ITPKC: variants seen among roughly 807,000 people sequenced by gnomAD.
The protein encoded by ITPKC is inositol-trisphosphate 3-kinase C.
A neutral mutation model predicts 67.1 loss-of-function variants in ITPKC; 33 were observed. The observed-to-expected ratio is 0.49, with a 90% CI of 0.37 to 0.66. The LOEUF (loss-of-function observed/expected upper bound fraction) is 0.66, where lower values mean the gene tolerates loss of function less well. Ranked by LOEUF, ITPKC falls within the 30% of genes least tolerant of loss-of-function variation. ITPKC has a pLI of 0.00. For missense variants in ITPKC, 820 were observed against 892.1 expected (o/e 0.92, Z 1.03); for synonymous variants, 341 against 359.8 (o/e 0.95, Z 0.59).
At position 40,739,402 on chromosome 19, in the gene ITPKC, G is replaced by A; in HGVS notation, c.1894G>A (p.Ala632Thr). Residue 632 changes from alanine (A) to threonine (T), a missense_variant, in exon 7 of 7, where the codon GCC becomes ACC. Transcript: ENST00000263370. ...LLFVHDHTGLAKVWMIDFGKT... is the reference protein window; with the variant it reads ...LLFVHDHTGLTKVWMIDFGKT... Reference sequence around the variant, plus strand: ...CTTCGTGCACGACCACACCGGCCTGGCCAAGGTCTGGATGATAGACTTCGG... The same window carrying A: ...CTTCGTGCACGACCACACCGGCCTGACCAAGGTCTGGATGATAGACTTCGG... 6.2e-7 allele frequency: 1 copy of A among 1,613,744 alleles called. No homozygotes were observed. Among genetic ancestry groups the A allele is most frequent in the Non-Finnish European group, 8.5e-7 (1 of 1,180,024 alleles).
chr19:40,724,345 G>T (rs2082236270), intron 1 of ITPKC, among the ~76,000 whole-genome samples: 2 of 152,128 alleles, frequency 1.3e-5, no homozygotes, highest in South Asian at 2.1e-4. Context: ...AGCTATGATG[G>T]TGCCATTGTA....
At chr19:40,730,471 G>C (rs982240013) in intron 3 of ITPKC, among the ~76,000 whole-genome samples, 1 of 152,104 alleles carries the variant, frequency 6.6e-6, no homozygotes, top group African/African-American at 2.4e-5. Flanking sequence ...TCATTCTGTT[G>C]CCCCGACTGA....
Position 40,718,250 on chromosome 19 carries a change from C to T in ITPKC, c.1115C>T (p.Ala372Val), listed in dbSNP as rs1371887458. Residue 372 changes from alanine (A) to valine (V), a missense_variant, in exon 1 of 7, where the codon GCC becomes GTC. Physicochemically the swap from Ala to Val is moderately conservative, Grantham distance 64. Around this residue, in one of 2 missense-constraint regions of ITPKC, gnomAD observed 339 missense variants for 422.0 expected, o/e 0.80. Transcript: ENST00000263370. ...SFDESEDDVV[A>V]GGGGASDPED... is the part of the protein sequence containing the mutation. ...GACGAGTCTGAGGATGACGTGGTGG[C>T]CGGGGGCGGAGGTGCCAGCGATCCC... 3.9e-6 allele frequency: 6 copies of T among 1,522,884 alleles called. No individual in the cohort carries two copies. Among genetic ancestry groups the T allele is most frequent in the Middle Eastern group, 3.6e-4 (2 of 5,556 alleles). 94.3% of individuals were successfully genotyped at this position (1,522,884 alleles called of 1,614,324 possible).
chr19:40,721,403 C>G (rs1159282887), intron 1 of ITPKC, among the ~76,000 whole-genome samples: 1 of 151,036 alleles, frequency 6.6e-6, no homozygotes, highest in African/African-American at 2.4e-5. Flanking sequence ...CGGAGTTTCA[C>G]TCTGTTGCCT....
At chr19:40,733,114 AG>A (rs1568451359) in intron 3 of ITPKC, 45 bp from the exon 4 acceptor site, 2 of 1,550,116 alleles carry the variant, frequency 1.3e-6, no homozygotes, top group African/African-American at 1.4e-5. Flanking sequence ...TAAGCCCTCC[AG>A]TTTGTTCTAC....
chr19:40,738,348 G>A (rs1243054390), intron 6 of ITPKC, among the ~76,000 whole-genome samples: 1 of 152,182 alleles, frequency 6.6e-6, no homozygotes, highest in Non-Finnish European at 1.5e-5. Flanking sequence ...AGAATGGCAT[G>A]AACCCGGGAG....
chr19:40,733,394 C>T (rs760551271), intron 4 of ITPKC, 30 bp downstream of exon 4: 8 of 1,577,758 alleles, frequency 5.1e-6, no homozygotes, highest in East Asian at 2.3e-5. Flanking sequence ...TGGCCTGTCC[C>T]GGGAAGGCCT....
rs1370176476 is a variant in ITPKC, at chr19:40,717,369, T to A, written c.234T>A (p.Pro78=). The A allele has an allele frequency of 6.2e-7, 1 of 1,612,530 alleles. No homozygotes were observed. ...HSEPERAGLG[P]APGTESPQAE... is the part of the protein sequence containing the mutation. ...AGCCTGAGAGGGCCGGCCTCGGGCC[T>A]GCGCCGGGGACAGAGAGTCCGCAGG... Residue 78 remains proline (P), a synonymous_variant, in exon 1 of 7, where the codon CCT becomes CCA. Coordinates refer to ENST00000263370, the MANE Select transcript of ITPKC (RefSeq NM_025194.3).
Position 40,724,706 on chromosome 19 carries a change from T to C in ITPKC, c.1156-634T>C, listed in dbSNP as rs143697240. Among the ~76,000 whole-genome samples, 1,429 of 152,154 alleles carry C rather than the reference T, an allele frequency of 9.4e-3. 11 individuals are homozygous for C. Among genetic ancestry groups the C allele is most frequent in the Non-Finnish European group, 0.013 (903 of 67,992 alleles). The stretch of plus-strand genomic sequence containing the variant: ...GCTTATGCCTGAAACCCCAACACTT[T>C]GGGAGACTGAGGCAGGTGGACTGCT... On this transcript the variant is annotated intron_variant, in intron 1 of 6. Coordinates refer to ENST00000263370, the MANE Select transcript of ITPKC (RefSeq NM_025194.3).
intron 6 of ITPKC, among the ~76,000 whole-genome samples, chr19:40,738,730 T>C (rs987802287): frequency 6.6e-6 from 1 of 152,214 alleles, no homozygotes; most frequent in Non-Finnish European, 1.5e-5. Context: ...AAGCACTTAA[T>C]GTAGATTAAT....
intron 3 of ITPKC, among the ~76,000 whole-genome samples, chr19:40,732,521 CAAAAAAAAAAAAAA>C (rs33945584): frequency 0.13 from 10,480 of 77,860 alleles, 540 homozygotes; most frequent in East Asian, 0.33. Flanking sequence ...GGGCGGGCGT[CAAAAAAAAAAAAAA>C]AAAAAAAAAA....
At chr19:40,732,382 TA>T (rs1467404986) in intron 3 of ITPKC, among the ~76,000 whole-genome samples, 1 of 147,474 alleles carries the variant, frequency 6.8e-6, no homozygotes, top group Non-Finnish European at 1.5e-5. Context: ...TACAAAAAAT[TA>T]TCCGGGTGTG....
chr19:40,719,990 T>C (rs553976329), intron 1 of ITPKC, among the ~76,000 whole-genome samples: 1 of 152,074 alleles, frequency 6.6e-6, no homozygotes, highest in Non-Finnish European at 1.5e-5. Flanking sequence ...TCATTTTTTA[T>C]CTTAAAATAG....
At chr19:40,737,155 G>A (rs2082298494) in intron 5 of ITPKC, 68 bp downstream of exon 5, 1 of 1,074,980 alleles carries the variant, frequency 9.3e-7, no homozygotes, top group Non-Finnish European at 1.4e-6. Flanking sequence ...TTGCTCCAGA[G>A]TCAGTGGTCT....
rs2082280610 is a variant in ITPKC, at chr19:40,733,350, A to C, written c.1660A>C (p.Ile554Leu). The change falls in exon 4 of 7, where the codon ATC (isoleucine) becomes CTC (leucine). Residue 554 changes from isoleucine (I) to leucine (L), a missense_variant. Coordinates refer to ENST00000263370, the MANE Select transcript of ITPKC (RefSeq NM_025194.3). ...CTCCACCTCTACCCTGGGCTTCCGGATCGAGGGCATCAAGGTGAGGACCAG... is the reference window on the plus strand; with the variant it reads ...CTCCACCTCTACCCTGGGCTTCCGGCTCGAGGGCATCAAGGTGAGGACCAG... ...MSSTSTLGFR[I>L]EGIKKADGTC... is the part of the protein sequence containing the mutation. The C allele has an allele frequency of 6.2e-7, 1 of 1,609,826 alleles. No homozygotes were observed. Among genetic ancestry groups the C allele is most frequent in the African/African-American group, 1.3e-5 (1 of 74,808 alleles).
intron 1 of ITPKC, among the ~76,000 whole-genome samples, chr19:40,720,652 C>A (rs2082217668): frequency 6.6e-6 from 1 of 152,128 alleles, no homozygotes; most frequent in Non-Finnish European, 1.5e-5. Context: ...GGGCTCAGTG[C>A]TGCGTTTGGA....
At chr19:40,722,026 A>G (rs2082225046) in intron 1 of ITPKC, among the ~76,000 whole-genome samples, 1 of 152,130 alleles carries the variant, frequency 6.6e-6, no homozygotes, top group Non-Finnish European at 1.5e-5. Flanking sequence ...TACTATTAAA[A>G]AAATCCCAAC....
rs2082318351 is a variant in ITPKC, at chr19:40,740,225, ACT to A, written c.*668_*669del. The A allele has an allele frequency of 6.6e-6, 1 of 152,592 alleles. No homozygotes were observed. Among genetic ancestry groups the A allele is most frequent in the Non-Finnish European group, 1.5e-5 (1 of 68,282 alleles). The allele number at this position is 152,592 out of a possible 1,614,324, so 9.5% of individuals were successfully genotyped here. A position where few individuals can be genotyped will look rare whatever the true frequency, so the allele number is the denominator to read the frequency against. On this transcript the variant is annotated 3_prime_UTR_variant, in exon 7 of 7. Coordinates refer to ENST00000263370, the MANE Select transcript of ITPKC (RefSeq NM_025194.3). ...TGGGATCCTCCGTGTTCCTCGGCGGACTCTGCTGACCTCCTGCAGACCCAAAC... is the reference window on the plus strand; with the variant it reads ...TGGGATCCTCCGTGTTCCTCGGCGGACTGCTGACCTCCTGCAGACCCAAAC...
intron 1 of ITPKC, among the ~76,000 whole-genome samples, chr19:40,720,445 C>T (rs1285842547): frequency 1.3e-5 from 2 of 152,040 alleles, no homozygotes; most frequent in South Asian, 2.1e-4. Flanking sequence ...GGGTTGGCCA[C>T]GTCAAGTCAG....
Sources: gnomAD v4.1 joint callset for allele counts (sites outside exome capture counted in the v4.1 genomes callset) on GRCh38, gnomAD v4.1.1 for gene constraint, gnomAD v4.1.1 regional missense constraint, MANE v1.5 for transcripts, NCBI Gene and HGNC (gene_info 2026-07-23, HGNC 2026-07-21) for gene names.